The following CPNE3 variants were observed in gnomAD, a reference collection of about 807,000 sequenced individuals.
CPNE3 encodes the protein copine 3, also known as copine-3.
Under a neutral mutation model 63.9 loss-of-function variants are expected in CPNE3, and 68 were observed. The observed-to-expected ratio is 1.06, with a 90% CI of 0.87 to 1.30. CPNE3 has a LOEUF of 1.30. Ranked by LOEUF, CPNE3 falls within the 50% of genes most tolerant of loss-of-function variation. CPNE3 has a pLI of 0.00. For synonymous variants in CPNE3, 219 were observed against 197.5 expected (o/e 1.11, Z -0.91); for missense variants, 665 against 578.1 (o/e 1.15, Z -1.54).
intron 2 of CPNE3, among the ~76,000 whole-genome samples, chr8:86,520,750 C>T (rs968657780): frequency 2.7e-5 from 4 of 149,052 alleles, no homozygotes; most frequent in African/African-American, 9.9e-5. Context: ...ACCTCTACCT[C>T]TGGGTTCAAG....
intron 4 of CPNE3, among the ~76,000 whole-genome samples, chr8:86,529,540 T>C (rs1200268016): frequency 2.0e-5 from 3 of 152,216 alleles, no homozygotes; most frequent in Non-Finnish European, 4.4e-5. Context: ...CCTGGCTTGC[T>C]CTTACTCAAC....
chr8:86,529,691 A>G (rs1025105127), intron 4 of CPNE3, among the ~76,000 whole-genome samples: 43 of 152,154 alleles, frequency 2.8e-4, no homozygotes, highest in Admixed American at 2.4e-3. Context: ...AGTATATGAT[A>G]AGTTTGGTCA....
intron 8 of CPNE3, among the ~76,000 whole-genome samples, chr8:86,544,118 G>A (rs938145730): frequency 2.0e-5 from 3 of 152,028 alleles, no homozygotes; most frequent in Admixed American, 2.0e-4. Context: ...ATGACCCGGT[G>A]TGGATACTTC....
At chr8:86,540,411 TA>T (rs1820911885) in intron 8 of CPNE3, 77 bp downstream of exon 8, 1 of 661,634 alleles carries the variant, frequency 1.5e-6, no homozygotes, top group South Asian at 3.9e-5. Flanking sequence ...ATACATAAGA[TA>T]GTATTTAAAG....
At chr8:86,517,461 A>G (rs1336540619) in intron 2 of CPNE3, among the ~76,000 whole-genome samples, 2 of 152,174 alleles carry the variant, frequency 1.3e-5, no homozygotes, top group Non-Finnish European at 2.9e-5. Context: ...CCACGCCTTT[A>G]GACTTCAAGG....
chr8:86,514,794 CCCGGGCTCGGGGCTCAGCT>C (rs891014967), intron 1 of CPNE3: 2 of 152,236 alleles, frequency 1.3e-5, no homozygotes, highest in Middle Eastern at 6.8e-3. Context: ...CCTGGAGGAG[CCCGGGCTCGGGGCTCAGCT>C]CCGGGCCGCA....
chr8:86,539,852 A>G (rs747585981), intron 7 of CPNE3, among the ~76,000 whole-genome samples: 16 of 151,810 alleles, frequency 1.1e-4, no homozygotes, highest in Non-Finnish European at 1.9e-4. Context: ...TTTAGTAGAG[A>G]CAGGTTTTCA....
chr8:86,522,186 A>G (rs1023795816), intron 2 of CPNE3, among the ~76,000 whole-genome samples: 3 of 152,176 alleles, frequency 2.0e-5, no homozygotes, highest in African/African-American at 7.2e-5. Flanking sequence ...GAGCTTCTTC[A>G]GCTCCAAGAG....
At chr8:86,549,884 T>C (rs148496833) in intron 12 of CPNE3, among the ~76,000 whole-genome samples, 227 of 152,274 alleles carry the variant, frequency 1.5e-3, no homozygotes, top group African/African-American at 5.1e-3. Context: ...CACATCTCCA[T>C]CTCTAGATCC....
chr8:86,555,271 G>A (rs748925616), intron 15 of CPNE3, among the ~76,000 whole-genome samples: 25 of 151,244 alleles, frequency 1.7e-4, no homozygotes, highest in Non-Finnish European at 3.4e-4. Context: ...CCTTTTTGAA[G>A]TAGACATAAC....
Position 86,558,500 on chromosome 8 carries a change from C to T in CPNE3, c.*90C>T, listed in dbSNP as rs1062851. Reference sequence around the variant, plus strand: ...CTGTCATTCTACGTACTTTTTACCCCCAGCATTTATGATGTAAATCTCTTT... The same window carrying T: ...CTGTCATTCTACGTACTTTTTACCCTCAGCATTTATGATGTAAATCTCTTT... On this transcript the variant is annotated 3_prime_UTR_variant, in exon 17 of 17. Transcript: ENST00000517490. The T allele has an allele frequency of 0.55, 458,353 of 833,954 alleles. 132,625 individuals are homozygous for T. Among genetic ancestry groups the T allele is most frequent in the Non-Finnish European group, 0.62 (291,752 of 472,132 alleles). 51.7% of individuals were successfully genotyped at this position (833,954 alleles called of 1,614,324 possible). A position where few individuals can be genotyped will look rare whatever the true frequency, so the allele number is the denominator to read the frequency against.
At chr8:86,532,377 T>G (rs551959432) in intron 5 of CPNE3, 132 bp from the exon 6 acceptor site, 7 of 587,688 alleles carry the variant, frequency 1.2e-5, no homozygotes, top group Non-Finnish European at 1.7e-5. Context: ...TGATGCCATT[T>G]TCTTATGAAA....
chr8:86,521,096 G>GT (rs1381449678), intron 2 of CPNE3, among the ~76,000 whole-genome samples: 1 of 152,134 alleles, frequency 6.6e-6, no homozygotes, highest in Non-Finnish European at 1.5e-5. Flanking sequence ...TTTAATGTGA[G>GT]TTTTTTACTC....
intron 14 of CPNE3, 43 bp downstream of exon 14, chr8:86,551,277 C>G (rs369056029): frequency 7.8e-7 from 1 of 1,280,704 alleles, no homozygotes; most frequent in African/African-American, 1.5e-5. Context: ...TGGAAAGGCT[C>G]ACTAGTCTTT....
At chr8:86,537,459 G>C (rs1820824340) in intron 6 of CPNE3, 104 bp from the exon 7 acceptor site, 3 of 735,034 alleles carry the variant, frequency 4.1e-6, no homozygotes, top group Non-Finnish European at 7.4e-6. Context: ...CAATACTATA[G>C]AGTTAGACTT....
intron 16 of CPNE3, 36 bp from the exon 17 acceptor site, chr8:86,558,252 T>C: frequency 1.1e-6 from 1 of 872,250 alleles, no homozygotes; most frequent in Non-Finnish European, 2.0e-6. Context: ...AAAATTCAGT[T>C]GCTAATAAAG....
rs1821408740 is a variant in CPNE3, at chr8:86,560,218, T to C, written c.*1808T>C. Reference sequence around the variant, plus strand: ...TTCTTCTGATTGTTTGGAGCCATAGTTGTCTCAGATGTTCTAATTCTCTTT... The same window carrying C: ...TTCTTCTGATTGTTTGGAGCCATAGCTGTCTCAGATGTTCTAATTCTCTTT... On this transcript the variant is annotated 3_prime_UTR_variant, in exon 17 of 17. Transcript: ENST00000517490. 1 of 152,224 alleles carries C rather than the reference T, an allele frequency of 6.6e-6. No individual in the cohort carries two copies. The highest frequency in any genetic ancestry group is 1.5e-5 in the Non-Finnish European group (1 of 68,038). 9.4% of individuals were successfully genotyped at this position (152,224 alleles called of 1,614,324 possible).
At chr8:86,533,842 A>T (rs1820739422) in intron 6 of CPNE3, among the ~76,000 whole-genome samples, 1 of 151,962 alleles carries the variant, frequency 6.6e-6, no homozygotes, top group Non-Finnish European at 1.5e-5. Context: ...TTAAATCTGT[A>T]AATTTCTTCC....
At chr8:86,531,302 G>T in intron 5 of CPNE3, 73 bp downstream of exon 5, 1 of 783,412 alleles carries the variant, frequency 1.3e-6, no homozygotes, top group Non-Finnish European at 2.3e-6. Context: ...GTCCATATCA[G>T]AGAAATATTC....
Sources: gnomAD v4.1 joint callset for allele counts (sites outside exome capture counted in the v4.1 genomes callset) on GRCh38, gnomAD v4.1.1 for gene constraint, MANE v1.5 for transcripts, NCBI Gene and HGNC (gene_info 2026-07-23, HGNC 2026-07-21) for gene names.